EYS: variants seen among roughly 807,000 people sequenced by gnomAD.
EYS encodes the protein EGF-like photoreceptor maintenance factor.
In EYS, 250 loss-of-function variants were observed where a neutral mutation model predicts 282.1. That is an observed-to-expected ratio of 0.89 (90% CI 0.80 to 0.98). The LOEUF (loss-of-function observed/expected upper bound fraction) is 0.98. EYS is among the 50% of genes least tolerant of loss of function. The probability of loss-of-function intolerance (pLI) is 0.00; values close to 1 mark genes in which losing one functional copy is unlikely to be tolerated. For missense variants in EYS, 4,016 were observed against 3,709.0 expected (o/e 1.08, Z -2.15); for synonymous variants, 1,355 against 1,282.9 (o/e 1.06, Z -1.20).
At chr6:65,058,213 C>G (rs1021194159) in intron 12 of EYS, among the ~76,000 whole-genome samples, 1 of 152,014 alleles carries the variant, frequency 6.6e-6, no homozygotes, top group Non-Finnish European at 1.5e-5. Flanking sequence ...TGCAGTGGTG[C>G]GATCTTGGAT....
chr6:64,457,814 A>G (rs1303590006), intron 26 of EYS, among the ~76,000 whole-genome samples: 3 of 151,498 alleles, frequency 2.0e-5, no homozygotes, highest in African/African-American at 7.3e-5. Flanking sequence ...TTGTCATGCT[A>G]TGTTTTTGAC....
intron 8 of EYS, among the ~76,000 whole-genome samples, chr6:65,355,845 T>C (rs929843048): frequency 6.6e-6 from 1 of 152,130 alleles, no homozygotes; most frequent in Non-Finnish European, 1.5e-5. Flanking sequence ...TTGGTGAAGA[T>C]GCAGAGAAAT....
chr6:65,173,827 T>C (rs1765166172), intron 12 of EYS, among the ~76,000 whole-genome samples: 1 of 151,232 alleles, frequency 6.6e-6, no homozygotes, highest in Non-Finnish European at 1.5e-5. Context: ...AAGTAATAGA[T>C]TAGAGTTACT....
chr6:64,718,302 C>A (rs532281376), intron 22 of EYS, among the ~76,000 whole-genome samples: 1 of 152,248 alleles, frequency 6.6e-6, no homozygotes, highest in East Asian at 1.9e-4. Flanking sequence ...ATGAGCCACT[C>A]CCATCCACCC....
chr6:64,421,857 G>GT (rs1774242907), intron 28 of EYS, among the ~76,000 whole-genome samples: 3 of 63,834 alleles, frequency 4.7e-5, no homozygotes, highest in Admixed American at 1.3e-4. Context: ...TTTTTGTTTG[G>GT]GGGGTGTGTG....
chr6:64,177,106 T>C (rs1764660275), intron 31 of EYS, among the ~76,000 whole-genome samples: 1 of 151,696 alleles, frequency 6.6e-6, no homozygotes, highest in African/African-American at 2.4e-5. Flanking sequence ...CATTTGGTAA[T>C]TTTATCCCTG....
At chr6:64,186,517 A>G (rs1033075382) in intron 31 of EYS, among the ~76,000 whole-genome samples, 2 of 152,150 alleles carry the variant, frequency 1.3e-5, no homozygotes, top group East Asian at 3.8e-4. Context: ...TTCAGATAAC[A>G]CTTTCTATGC....
chr6:64,026,879 A>T (rs1195101426), intron 33 of EYS, among the ~76,000 whole-genome samples: 3 of 152,158 alleles, frequency 2.0e-5, no homozygotes, highest in African/African-American at 7.2e-5. Flanking sequence ...TCCCTCTCTG[A>T]TTTAAAACAG....
Position 65,222,626 on chromosome 6 carries a change from A to G in EYS, c.2023+73237T>C, listed in dbSNP as rs551205194. On this transcript the variant is annotated intron_variant, in intron 12 of 42. Transcript: ENST00000503581. ...TGGCCTCATTTAACCAAAGTAAAACAGAATCAAACGGAAATATAACCATGA... is the reference window on the plus strand; with the variant it reads ...TGGCCTCATTTAACCAAAGTAAAACGGAATCAAACGGAAATATAACCATGA... Among the ~76,000 whole-genome samples, 4 of 152,372 alleles carry G rather than the reference A, an allele frequency of 2.6e-5. No individual in the cohort carries two copies. In the South Asian group the frequency reaches 8.3e-4, roughly 32 times the overall value.
intron 13 of EYS, among the ~76,000 whole-genome samples, chr6:65,032,040 A>G (rs1324365444): frequency 1.3e-5 from 2 of 152,124 alleles, no homozygotes; most frequent in Non-Finnish European, 2.9e-5. Flanking sequence ...AAGGGACATA[A>G]CCACTGACCC....
chr6:63,852,031 C>T (rs1437969321), intron 36 of EYS, among the ~76,000 whole-genome samples: 48 of 151,238 alleles, frequency 3.2e-4, no homozygotes, highest in African/African-American at 1.2e-3. Context: ...GTGGCGGGCA[C>T]CTGTAGTCCC....
intron 22 of EYS, among the ~76,000 whole-genome samples, chr6:64,650,069 A>T (rs1004968686): frequency 3.3e-5 from 5 of 152,138 alleles, no homozygotes; most frequent in Non-Finnish European, 7.4e-5. Context: ...AAATATTTTC[A>T]TTGGGAATTT....
At chr6:64,632,872 T>C (rs1289146545) in intron 22 of EYS, among the ~76,000 whole-genome samples, 1 of 152,136 alleles carries the variant, frequency 6.6e-6, no homozygotes, top group Non-Finnish European at 1.5e-5. Flanking sequence ...TTATATGCTC[T>C]AAATTTTTAA....
intron 1 of EYS, among the ~76,000 whole-genome samples, chr6:65,655,987 C>T (rs1307001099): frequency 1.3e-5 from 2 of 151,780 alleles, no homozygotes; most frequent in African/African-American, 2.4e-5. Flanking sequence ...GTCACATTTT[C>T]GTAATTCTCA....
At chr6:64,351,801 T>A (rs1771650587) in intron 29 of EYS, among the ~76,000 whole-genome samples, 1 of 151,520 alleles carries the variant, frequency 6.6e-6, no homozygotes, top group East Asian at 1.9e-4. Flanking sequence ...CCACACTCTA[T>A]TAAAATGGGC....
chr6:65,135,557 A>G (rs2150205252), intron 12 of EYS, among the ~76,000 whole-genome samples: 1 of 152,148 alleles, frequency 6.6e-6, no homozygotes, highest in East Asian at 1.9e-4. Flanking sequence ...ATAAATATAG[A>G]TTAAAAAATT....
intron 39 of EYS, among the ~76,000 whole-genome samples, chr6:63,778,774 A>T (rs1770132478): frequency 6.6e-6 from 1 of 152,136 alleles, no homozygotes; most frequent in Non-Finnish European, 1.5e-5. Context: ...TCCCCCATAG[A>T]TCACAACTGG....
intron 36 of EYS, among the ~76,000 whole-genome samples, chr6:63,837,646 C>T (rs1156600905): frequency 6.6e-6 from 1 of 152,070 alleles, no homozygotes; most frequent in Admixed American, 6.6e-5. Flanking sequence ...CATAAGTGTA[C>T]ATTCTAAAGA....
In EYS at chr6:65,367,634, A is replaced by G. The variant is rs532473671; in HGVS notation, c.1300-14017T>C. On this transcript the variant is annotated intron_variant, in intron 8 of 42. Transcript: ENST00000503581. ...ACTTACAAAAGTTCCGCTGAAAAAA[A>G]GCGAGATACAAGATAAGCTTGCAAC... 2.0e-5 allele frequency among the ~76,000 whole-genome samples: 3 copies of G among 151,796 alleles called. No homozygotes were observed. In the South Asian group the frequency reaches 6.2e-4, roughly 31 times the overall value.
Sources: gnomAD v4.1 joint callset for allele counts (sites outside exome capture counted in the v4.1 genomes callset) on GRCh38, gnomAD v4.1.1 for gene constraint, MANE v1.5 for transcripts, NCBI Gene and HGNC (gene_info 2026-07-23, HGNC 2026-07-21) for gene names.